The following SYTL5 variants were observed in gnomAD, a reference collection of about 807,000 sequenced individuals.
SYTL5 encodes synaptotagmin like 5.
Under a neutral mutation model 55.9 loss-of-function variants are expected in SYTL5, and 34 were observed. The ratio of observed to expected loss-of-function variants is 0.61; its 90% CI spans 0.46 to 0.81. SYTL5 has a LOEUF of 0.81. Ranked by LOEUF, SYTL5 falls within the 30% of genes least tolerant of loss-of-function variation. The pLI, the probability that SYTL5 is intolerant of heterozygous loss-of-function variation, is 0.00. For synonymous variants in SYTL5, 221 were observed against 188.7 expected (o/e 1.17, Z -1.40); for missense variants, 637 against 546.7 (o/e 1.17, Z -1.65).
chrX:37,928,923 A>G, the SYTL5 span, among the ~76,000 whole-genome samples: 10 of 112,219 alleles, frequency 8.9e-5, no homozygotes, highest in African/African-American at 2.9e-4. Flanking sequence ...AGTCTGCCTA[A>G]TTAGTCATAT....
chrX:37,993,582 G>A, the SYTL5 span, among the ~76,000 whole-genome samples: 3 of 112,515 alleles, frequency 2.7e-5, no homozygotes, highest in South Asian at 7.3e-4. Context: ...GGAAATTGGC[G>A]GATATTATAA....
At chrX:38,054,137 A>G in intron 2 of SYTL5, 76 bp from the exon 3 acceptor site, 1 of 743,805 alleles carries the variant, frequency 1.3e-6, no homozygotes, top group East Asian at 3.5e-5. Context: ...TCTATTTTAG[A>G]CATTGTTTTA....
At chrX:37,956,993 G>A in the SYTL5 span, among the ~76,000 whole-genome samples, 1 of 111,607 alleles carries the variant, frequency 9.0e-6, no homozygotes, top group Non-Finnish European at 1.9e-5. Context: ...AGAGGTATGA[G>A]GTGATATCTC....
the SYTL5 span, among the ~76,000 whole-genome samples, chrX:37,961,604 CTT>C: frequency 9.0e-6 from 1 of 111,574 alleles, no homozygotes; most frequent in Non-Finnish European, 1.9e-5. Context: ...CACAATATAT[CTT>C]TTGTCACCAA....
chrX:38,045,303 A>C, intron 2 of SYTL5, among the ~76,000 whole-genome samples: 1 of 112,352 alleles, frequency 8.9e-6, no homozygotes. Flanking sequence ...AGCACATTTA[A>C]TGTTTCTGGA....
the SYTL5 span, among the ~76,000 whole-genome samples, chrX:37,900,535 A>T: frequency 8.9e-6 from 1 of 112,202 alleles, no homozygotes; most frequent in African/African-American, 3.2e-5. Context: ...GAAGATGACA[A>T]TTAAACTGAG....
Position 38,106,772 on chromosome X carries a change from G to A in SYTL5, c.1334+1G>A, listed in dbSNP as rs757246243. On this transcript the variant is annotated splice_donor_variant, in intron 11 of 16. Transcript: ENST00000297875. LOFTEE classifies it high-confidence loss of function. ...ATGAAAAGAAACAGAGGACAGATGC[G>A]TAAGCACATAGCATGTTCCTCAGAC... The A allele has an allele frequency of 2.2e-5, 26 of 1,185,321 alleles. No homozygotes were observed. The highest frequency in any genetic ancestry group is 3.5e-5 in the African/African-American group (2 of 56,382).
chrX:37,890,801 A>G, the SYTL5 span, among the ~76,000 whole-genome samples: 1 of 112,393 alleles, frequency 8.9e-6, no homozygotes, highest in Non-Finnish European at 1.9e-5. Flanking sequence ...AAGATGCTCA[A>G]CATAACCAAT....
intron 6 of SYTL5, among the ~76,000 whole-genome samples, chrX:38,077,266 T>C (rs140506115): frequency 1.6e-4 from 18 of 111,645 alleles, no homozygotes; most frequent in African/African-American, 5.8e-4. Flanking sequence ...AGTCATTTTA[T>C]ATCAGGCGTG....
the SYTL5 span, among the ~76,000 whole-genome samples, chrX:37,990,405 A>G: frequency 0.18 from 19,855 of 111,332 alleles, 2,910 homozygotes; most frequent in African/African-American, 0.48. Context: ...CCTCTACTAA[A>G]GAATATGCTG....
chrX:38,034,550 C>T (rs1258270050), intron 2 of SYTL5, among the ~76,000 whole-genome samples: 1 of 112,148 alleles, frequency 8.9e-6, no homozygotes, highest in African/African-American at 3.2e-5. Flanking sequence ...AAGAAAGGGA[C>T]CTGGAGAGTA....
chrX:38,046,085 G>A (rs781332579), intron 2 of SYTL5, among the ~76,000 whole-genome samples: 1 of 111,484 alleles, frequency 9.0e-6, no homozygotes, highest in East Asian at 2.8e-4. Flanking sequence ...CTGGTGTGTG[G>A]GAAGAGTGCA....
the SYTL5 span, among the ~76,000 whole-genome samples, chrX:37,915,500 G>A: frequency 2.7e-5 from 3 of 111,954 alleles, no homozygotes; most frequent in Non-Finnish European, 3.8e-5. Context: ...AGTACTCTAT[G>A]TACTTTTTAA....
At position 38,084,741 on chromosome X, in the gene SYTL5, A is replaced by G. The variant is rs753774662; in HGVS notation, c.690-4705A>G. ...AAAAACCTTTTCTGTAAAGGTACAG[A>G]TAATATTTTTGACTTTGTGGTCCAT... On this transcript the variant is annotated intron_variant, in intron 6 of 16. Transcript: ENST00000297875. Among the ~76,000 whole-genome samples the G allele has an allele frequency of 2.7e-5, 3 of 111,281 alleles. No individual in the cohort carries two copies. The East Asian group carries it at 8.4e-4, about 31-fold the overall frequency.
intron 10 of SYTL5, among the ~76,000 whole-genome samples, chrX:38,106,066 T>C (rs1471258875): frequency 1.8e-5 from 2 of 111,901 alleles, no homozygotes; most frequent in African/African-American, 6.5e-5. Context: ...TCTTCTGATA[T>C]GTCCTTGTTA....
At chrX:37,985,358 A>G in the SYTL5 span, among the ~76,000 whole-genome samples, 1 of 111,703 alleles carries the variant, frequency 9.0e-6, no homozygotes, top group Non-Finnish European at 1.9e-5. Context: ...AATGTTAAAA[A>G]CAAAAATATC....
the SYTL5 span, among the ~76,000 whole-genome samples, chrX:37,983,271 G>A: frequency 3.5e-3 from 389 of 111,997 alleles, 1 homozygote; most frequent in African/African-American, 0.011. Flanking sequence ...AAGATCCAAC[G>A]TGTGTTGTCT....
intron 2 of SYTL5, among the ~76,000 whole-genome samples, chrX:38,052,527 C>T (rs1935651312): frequency 8.9e-6 from 1 of 111,753 alleles, no homozygotes; most frequent in Non-Finnish European, 1.9e-5. Flanking sequence ...AAATAAATGA[C>T]CTGGTTCCTG....
the SYTL5 span, among the ~76,000 whole-genome samples, chrX:37,956,399 A>G: frequency 1.8e-5 from 2 of 112,489 alleles, no homozygotes; most frequent in African/African-American, 6.5e-5. Flanking sequence ...CTAGAACTTA[A>G]TCATCTTGCA....
Sources: gnomAD v4.1 joint callset for allele counts (sites outside exome capture counted in the v4.1 genomes callset) on GRCh38, gnomAD v4.1.1 for gene constraint, MANE v1.5 for transcripts, NCBI Gene and HGNC (gene_info 2026-07-23, HGNC 2026-07-21) for gene names.